The following SLC6A5 variants were observed in gnomAD, a reference collection of about 807,000 sequenced individuals.
SLC6A5 encodes sodium- and chloride-dependent glycine transporter 2.
A neutral mutation model predicts 90.5 loss-of-function variants in SLC6A5; 58 were observed. The observed-to-expected ratio is 0.64, with a 90% CI of 0.52 to 0.80. The LOEUF (loss-of-function observed/expected upper bound fraction) is 0.80, where lower values mean the gene tolerates loss of function less well. SLC6A5 is among the 30% of genes least tolerant of loss of function. The pLI is 0.00. For synonymous variants in SLC6A5, 427 were observed against 401.4 expected (o/e 1.06, Z -0.76); for missense variants, 1,015 against 1,017.6 (o/e 1.00, Z 0.03).
chr11:20,652,471 T>A lies in SLC6A5; in HGVS notation c.2238+15T>A. 1 of 1,610,820 alleles carries A rather than the reference T, an allele frequency of 6.2e-7. No individual in the cohort carries two copies. Among genetic ancestry groups the A allele is most frequent in the African/African-American group, 1.3e-5 (1 of 75,004 alleles). On this transcript the variant is annotated intron_variant, in intron 15 of 15. Transcript: ENST00000525748. ...GATTTATTGAGGTAATTCTGTCTAC[T>A]TCTTTCCCTCCCAATTCCTCCCAAG...
intron 3 of SLC6A5, among the ~76,000 whole-genome samples, 194 bp from the exon 4 acceptor site, chr11:20,606,813 C>T (rs549710796): frequency 6.4e-4 from 98 of 152,264 alleles, no homozygotes; most frequent in African/African-American, 2.3e-3. Context: ...TACCCTTATA[C>T]TTTTTGGAGG....
intron 10 of SLC6A5, among the ~76,000 whole-genome samples, chr11:20,634,687 T>G (rs374203607): frequency 2.0e-5 from 3 of 152,248 alleles, no homozygotes; most frequent in East Asian, 1.9e-4. Flanking sequence ...TACAGTCTGT[T>G]CAATAAATGC....
intron 10 of SLC6A5, among the ~76,000 whole-genome samples, chr11:20,632,347 T>C (rs542659476): frequency 2.6e-4 from 39 of 152,310 alleles, no homozygotes; most frequent in African/African-American, 6.7e-4. Context: ...TAGTAAATGA[T>C]TCTGAACTCT....
chr11:20,641,207 G>A (rs1185917599), intron 13 of SLC6A5, among the ~76,000 whole-genome samples: 1 of 152,082 alleles, frequency 6.6e-6, no homozygotes, highest in Non-Finnish European at 1.5e-5. Flanking sequence ...GGGGCCTTTT[G>A]GCTGGAGAAA....
intron 13 of SLC6A5, among the ~76,000 whole-genome samples, chr11:20,640,913 A>G (rs1345662652): frequency 6.6e-6 from 1 of 152,136 alleles, no homozygotes; most frequent in Non-Finnish European, 1.5e-5. Flanking sequence ...AATTGAAGAC[A>G]TTTGTGTTTT....
chr11:20,628,972 T>C (rs1334828754), intron 9 of SLC6A5, among the ~76,000 whole-genome samples: 1 of 152,180 alleles, frequency 6.6e-6, no homozygotes, highest in Non-Finnish European at 1.5e-5. Flanking sequence ...ACAGGTATCA[T>C]CTCATTCTCT....
At chr11:20,616,863 TG>T (rs1852792036) in intron 6 of SLC6A5, among the ~76,000 whole-genome samples, 1 of 152,230 alleles carries the variant, frequency 6.6e-6, no homozygotes, top group African/African-American at 2.4e-5. Context: ...CAGAATTCTC[TG>T]GGCCATCATT....
intron 10 of SLC6A5, among the ~76,000 whole-genome samples, chr11:20,634,647 T>C (rs74813010): frequency 0.014 from 2,085 of 152,280 alleles, 40 homozygotes; most frequent in African/African-American, 0.048. Flanking sequence ...TCTTTTACGG[T>C]TCACATAGGG....
rs1043816210 is a variant in SLC6A5, at chr11:20,630,632, C to A, written c.1500-59C>A. Reference sequence around the variant, plus strand: ...GGGCACACATTTGTGTGTCCTTCCCCTTGTCCCTTTCCACTCACCAAGCAC... The same window carrying A: ...GGGCACACATTTGTGTGTCCTTCCCATTGTCCCTTTCCACTCACCAAGCAC... On this transcript the variant is annotated intron_variant, in intron 9 of 15. Transcript: ENST00000525748. The A allele has an allele frequency of 1.9e-6, 3 of 1,602,712 alleles. No individual in the cohort carries two copies. The African/African-American group carries it at 4.0e-5, about 21-fold the overall frequency.
chr11:20,607,591 G>C lies in SLC6A5; in HGVS notation c.924G>C (p.Trp308Cys). Residue 308 changes from tryptophan to cysteine, a missense_variant, in exon 5 of 16, where the codon TGG (tryptophan) becomes TGC (cysteine). By Grantham distance (215) the Trp-to-Cys change is radical (BLOSUM62 -2). Transcript: ENST00000525748. ...LFASFVSVLP[W>C]GSCNNPWNTP... ...CCTCCTTTGTGTCTGTACTACCCTGGGGCTCCTGCAACAACCCTTGGAATA... is the reference window on the plus strand; with the variant it reads ...CCTCCTTTGTGTCTGTACTACCCTGCGGCTCCTGCAACAACCCTTGGAATA... The C allele has an allele frequency of 6.2e-7, 1 of 1,613,968 alleles. No homozygotes were observed. The highest frequency in any genetic ancestry group is 8.5e-7 in the Non-Finnish European group (1 of 1,179,982).
intron 5 of SLC6A5, among the ~76,000 whole-genome samples, chr11:20,610,081 T>G (rs1191956709): frequency 1.3e-5 from 2 of 152,242 alleles, no homozygotes; most frequent in Non-Finnish European, 2.9e-5. Flanking sequence ...AACTTTTAAT[T>G]AAATGATTCC....
At chr11:20,648,095 C>T (rs1435837084) in intron 14 of SLC6A5, among the ~76,000 whole-genome samples, 1 of 152,096 alleles carries the variant, frequency 6.6e-6, no homozygotes, top group African/African-American at 2.4e-5. Flanking sequence ...CTTCCCCATC[C>T]TCCTCTGTGG....
intron 7 of SLC6A5, among the ~76,000 whole-genome samples, chr11:20,622,919 T>C (rs1218402997): frequency 6.6e-6 from 1 of 152,176 alleles, no homozygotes; most frequent in Non-Finnish European, 1.5e-5. Context: ...GCCCTTGTAG[T>C]ATCTCATCTT....
rs545679098 is a variant in SLC6A5, at chr11:20,658,707, G to C, written c.*3839G>C. ...CCAAAGAGAAAGTGTTTTCAGATTA[G>C]GTATTCATCACCTCTGAAAAGCAAG... is the stretch of plus-strand genomic sequence containing the variant. On this transcript the variant is annotated 3_prime_UTR_variant, in exon 16 of 16. Transcript: ENST00000525748. 22 of 152,264 alleles carry C rather than the reference G, an allele frequency of 1.4e-4. No homozygotes were observed. The highest frequency in any genetic ancestry group is 5.3e-4 in the African/African-American group (22 of 41,540). The allele number at this position is 152,264 out of a possible 1,614,324, so 9.4% of individuals were successfully genotyped here. A position where few individuals can be genotyped will look rare whatever the true frequency, so the allele number is the denominator to read the frequency against.
chr11:20,616,201 G>T (rs1217814696), intron 6 of SLC6A5, among the ~76,000 whole-genome samples: 1 of 152,126 alleles, frequency 6.6e-6, no homozygotes, highest in African/African-American at 2.4e-5. Context: ...GTTCCCTGCA[G>T]AACAGAAGGG....
rs78455255 is a variant in SLC6A5, at chr11:20,634,303, T to G, written c.1625-2004T>G. ...ATATACTCTTTTAAACATCTAACGA[T>G]GTTATTCTCTAGATGACTCCGCTCC... is the stretch of plus-strand genomic sequence containing the variant. On this transcript the variant is annotated intron_variant, in intron 10 of 15. Coordinates refer to ENST00000525748, the MANE Select transcript of SLC6A5 (RefSeq NM_004211.5). Among the ~76,000 whole-genome samples, 556 of 152,300 alleles carry G rather than the reference T, an allele frequency of 3.7e-3. 7 individuals carry two copies. The highest frequency in any genetic ancestry group is 0.013 in the African/African-American group (528 of 41,558).
intron 5 of SLC6A5, among the ~76,000 whole-genome samples, chr11:20,610,168 A>G (rs1394148817): frequency 6.6e-6 from 1 of 152,186 alleles, no homozygotes; most frequent in East Asian, 1.9e-4. Flanking sequence ...CACAGCTTCC[A>G]ATTTAGCACG....
In SLC6A5 at chr11:20,601,664, AG is replaced by A; in HGVS notation, c.540+1del. 6.2e-7 allele frequency: 1 copy of A among 1,613,268 alleles called. No homozygotes were observed. Among genetic ancestry groups the A allele is most frequent in the South Asian group, 1.1e-5 (1 of 91,032 alleles). The part of the protein sequence containing the change: ...LPGSVATVAT[Q>X]EDEQGDENKA... ...GGCAGCGTGGCCACCGTTGCCACCC[AG>A]GTAAGCAGGTTGCATTACGGCCCGC... On this transcript the variant is annotated frameshift_variant and splice_region_variant, in exon 2 of 16. Coordinates refer to ENST00000525748, the MANE Select transcript of SLC6A5 (RefSeq NM_004211.5). LOFTEE classifies it high-confidence loss of function.
intron 7 of SLC6A5, among the ~76,000 whole-genome samples, chr11:20,621,309 G>A (rs1386937690): frequency 6.6e-6 from 1 of 152,156 alleles, no homozygotes; most frequent in Non-Finnish European, 1.5e-5. Context: ...CAGCCTCATT[G>A]TCTTCATTTG....
Sources: gnomAD v4.1 joint callset for allele counts (sites outside exome capture counted in the v4.1 genomes callset) on GRCh38, gnomAD v4.1.1 for gene constraint, MANE v1.5 for transcripts, NCBI Gene and HGNC (gene_info 2026-07-23, HGNC 2026-07-21) for gene names.